Variants in LGR6 observed in about 807,000 individuals in gnomAD.
The protein encoded by LGR6 is leucine-rich repeat-containing G protein-coupled receptor 6.
A neutral mutation model predicts 69.4 loss-of-function variants in LGR6; 45 were observed. The observed-to-expected ratio is 0.65, with a 90% confidence interval of 0.51 to 0.83. The LOEUF (loss-of-function observed/expected upper bound fraction) is 0.83, where lower values mean the gene tolerates loss of function less well. Among genes scored for constraint, LGR6 ranks in the 40% least tolerant of loss-of-function variants. The probability of loss-of-function intolerance (pLI) is 0.00; values close to 1 mark genes in which losing one functional copy is unlikely to be tolerated. For missense variants in LGR6, 1,108 were observed against 1,246.7 expected (o/e 0.89, Z 1.68); for synonymous variants, 538 against 555.0 (o/e 0.97, Z 0.43).
At chr1:202,194,703 G>C (rs1571797835) in intron 1 of LGR6, 1 of 159,942 alleles carries the variant, frequency 6.3e-6, no homozygotes, top group Admixed American at 1.3e-4. Flanking sequence ...CCTTCGTGGG[G>C]GCGGGGGGGG....
At chr1:202,198,209 A>G (rs61823732) in intron 1 of LGR6, among the ~76,000 whole-genome samples, 37,214 of 152,072 alleles carry the variant, frequency 0.24, 4,990 homozygotes, top group African/African-American at 0.34. Flanking sequence ...AAAATGATGG[A>G]GGCAGGATGC....
chr1:202,218,340 C>G (rs535095700), intron 1 of LGR6, among the ~76,000 whole-genome samples: 3 of 152,162 alleles, frequency 2.0e-5, no homozygotes, highest in Admixed American at 1.3e-4. Context: ...AGTCTGTTGT[C>G]CAGCCTGGAG....
Position 202,317,997 on chromosome 1 carries a change from G to T in LGR6, c.1694G>T (p.Arg565Leu), listed in dbSNP as rs771025632. Residue 565 changes from arginine to leucine, a missense_variant, in exon 18 of 18, where the codon CGC becomes CTC. Arg to Leu is a moderately radical substitution (Grantham distance 102). Transcript: ENST00000367278. Reference protein sequence around the residue: ...CEYLFESWGIRLAVWAIVLLS... With the variant: ...CEYLFESWGILLAVWAIVLLS... ...TACCTCTTTGAAAGCTGGGGCATCCGCCTGGCCGTGTGGGCCATCGTGTTG... is the reference window on the plus strand; with the variant it reads ...TACCTCTTTGAAAGCTGGGGCATCCTCCTGGCCGTGTGGGCCATCGTGTTG... The T allele has an allele frequency of 6.2e-7, 1 of 1,613,918 alleles. No homozygotes were observed. Among genetic ancestry groups the T allele is most frequent in the South Asian group, 1.1e-5 (1 of 91,030 alleles).
chr1:202,193,955 C>A lies in LGR6; in HGVS notation c.-35C>A, dbSNP rs1205749974. 1 of 1,274,236 alleles carries A rather than the reference C, an allele frequency of 7.8e-7. No individual in the cohort carries two copies. Among genetic ancestry groups the A allele is most frequent in the Middle Eastern group, 3.1e-4 (1 of 3,256 alleles). 78.9% of individuals were successfully genotyped at this position (1,274,236 alleles called of 1,614,324 possible). A position where few individuals can be genotyped will look rare whatever the true frequency, so the allele number is the denominator to read the frequency against. Reference sequence around the variant, plus strand: ...GGCCATCGCGCCGTGCGTCCGCGCCCGGCCGCCAGGTGCCCCAGTAGCCCG... The same window carrying A: ...GGCCATCGCGCCGTGCGTCCGCGCCAGGCCGCCAGGTGCCCCAGTAGCCCG... On this transcript the variant is annotated 5_prime_UTR_variant, in exon 1 of 18. Coordinates refer to ENST00000367278, the MANE Select transcript of LGR6 (RefSeq NM_001017403.2).
intron 1 of LGR6, among the ~76,000 whole-genome samples, chr1:202,207,712 C>T (rs1659305559): frequency 6.6e-6 from 1 of 152,204 alleles, no homozygotes; most frequent in African/African-American, 2.4e-5. Flanking sequence ...GATTTACCCT[C>T]TTTGTGCTTT....
At chr1:202,309,022 C>T (rs1230985264) in intron 14 of LGR6, 29 bp from the exon 15 acceptor site, 1 of 1,612,310 alleles carries the variant, frequency 6.2e-7, no homozygotes, top group South Asian at 1.1e-5. Flanking sequence ...CCACTGACTG[C>T]CAATAACCCT....
At chr1:202,305,633 C>A in intron 11 of LGR6, 51 bp from the exon 12 acceptor site, 1 of 1,526,552 alleles carries the variant, frequency 6.6e-7, no homozygotes, top group Non-Finnish European at 9.1e-7. Flanking sequence ...CCCGAGCAGC[C>A]CTCAGATAGC....
At chr1:202,280,541 C>T (rs1665922155) in intron 5 of LGR6, among the ~76,000 whole-genome samples, 1 of 152,150 alleles carries the variant, frequency 6.6e-6, no homozygotes, top group Admixed American at 6.5e-5. Flanking sequence ...CTCTCCTCTC[C>T]CTTTTTCCTT....
chr1:202,238,035 T>C (rs1661742568), intron 4 of LGR6, among the ~76,000 whole-genome samples: 1 of 152,098 alleles, frequency 6.6e-6, no homozygotes, highest in Admixed American at 6.5e-5. Context: ...GATGTTATTG[T>C]GAGATCGTTC....
At chr1:202,275,854 AATATGGCAT>A (rs1665503335) in intron 4 of LGR6, among the ~76,000 whole-genome samples, 1 of 152,174 alleles carries the variant, frequency 6.6e-6, no homozygotes, top group East Asian at 1.9e-4. Flanking sequence ...GAGCAAGGGT[AATATGGCAT>A]AGATTTGGAA....
In LGR6 at chr1:202,318,515, A is replaced by C; in HGVS notation, c.2212A>C (p.Met738Leu). The stretch of plus-strand genomic sequence containing the variant: ...CCTGGGCTTCACCGTGGCCCTGGTG[A>C]TGATGAACTCCTTCTGTTTCCTGGT... ...AALGFTVALV[M>L]MNSFCFLVVA... The change falls in exon 18 of 18, where the codon ATG (methionine) becomes CTG (leucine). Residue 738 changes from methionine (M) to leucine (L), a missense_variant. Met to Leu is a conservative substitution (Grantham distance 15). Transcript: ENST00000367278. The C allele has an allele frequency of 6.2e-7, 1 of 1,614,014 alleles. No individual in the cohort carries two copies. The highest frequency in any genetic ancestry group is 1.1e-5 in the South Asian group (1 of 91,078).
chr1:202,243,383 C>T (rs1662373406), intron 4 of LGR6, among the ~76,000 whole-genome samples: 1 of 152,044 alleles, frequency 6.6e-6, no homozygotes, highest in South Asian at 2.1e-4. Flanking sequence ...AGCATTGAGC[C>T]CTGGAGACCC....
intron 4 of LGR6, among the ~76,000 whole-genome samples, chr1:202,269,078 A>G (rs1664895356): frequency 6.6e-6 from 1 of 151,822 alleles, no homozygotes; most frequent in Non-Finnish European, 1.5e-5. Flanking sequence ...CTAACTTTTA[A>G]ATTTTTTTCT....
At chr1:202,218,156 C>T (rs984485270) in intron 1 of LGR6, among the ~76,000 whole-genome samples, 2 of 152,234 alleles carry the variant, frequency 1.3e-5, no homozygotes, top group African/African-American at 4.8e-5. Context: ...GTAACACCCA[C>T]TCTGCCATGA....
chr1:202,308,877 A>G (rs554547619), intron 14 of LGR6, among the ~76,000 whole-genome samples, 174 bp from the exon 15 acceptor site: 2 of 152,106 alleles, frequency 1.3e-5, no homozygotes, highest in South Asian at 4.2e-4. Flanking sequence ...GCCTCTAGCA[A>G]CTCTTGGCTG....
intron 3 of LGR6, among the ~76,000 whole-genome samples, chr1:202,233,016 G>A (rs571768784): frequency 1.3e-5 from 2 of 152,310 alleles, no homozygotes; most frequent in East Asian, 1.9e-4. Flanking sequence ...GGCCAAAGCC[G>A]ACTGCCATGC....
At chr1:202,297,667 C>T (rs1667261226) in intron 7 of LGR6, 91 bp downstream of exon 7, 2 of 987,504 alleles carry the variant, frequency 2.0e-6, no homozygotes, top group African/African-American at 1.6e-5. Context: ...CTTACCTCCT[C>T]ACCTCCCATG....
intron 13 of LGR6, 38 bp from the exon 14 acceptor site, chr1:202,307,292 G>A: frequency 6.3e-7 from 1 of 1,594,700 alleles, no homozygotes; most frequent in Non-Finnish European, 8.6e-7. Flanking sequence ...TCCTCCACAT[G>A]TTACTGTCCC....
At chr1:202,223,626 C>T (rs911087178) in intron 1 of LGR6, among the ~76,000 whole-genome samples, 5 of 151,816 alleles carry the variant, frequency 3.3e-5, no homozygotes, top group South Asian at 2.1e-4. Flanking sequence ...CAGGCAGAGA[C>T]GAGAATCAGG....
Sources: gnomAD v4.1 joint callset for allele counts (sites outside exome capture counted in the v4.1 genomes callset) on GRCh38, gnomAD v4.1.1 for gene constraint, MANE v1.5 for transcripts, NCBI Gene and HGNC (gene_info 2026-07-23, HGNC 2026-07-21) for gene names.